The following AKAP6 variants were observed in gnomAD, a reference collection of about 807,000 sequenced individuals.
AKAP6 encodes the protein A-kinase anchor protein 6.
AKAP6 carries 58 observed loss-of-function variants against 188.5 expected under a neutral mutation model. That is an observed-to-expected ratio of 0.31 (90% CI 0.25 to 0.38). AKAP6 has a LOEUF of 0.38. AKAP6 is among the 10% of genes least tolerant of loss of function. The pLI, the probability that AKAP6 is intolerant of heterozygous loss-of-function variation, is 1.00. For missense variants in AKAP6, 2,710 were observed against 2,740.0 expected (o/e 0.99, Z 0.24); for synonymous variants, 989 against 998.6 (o/e 0.99, Z 0.18).
At chr14:32,421,526 TGG>T in intron 1 of AKAP6, among the ~76,000 whole-genome samples, 1 of 152,338 alleles carries the variant, frequency 6.6e-6, no homozygotes, top group South Asian at 2.1e-4. Context: ...TCTTATTTTA[TGG>T]ATATAATATC....
chr14:32,583,905 A>T (rs1885104546), intron 5 of AKAP6, among the ~76,000 whole-genome samples: 1 of 152,146 alleles, frequency 6.6e-6, no homozygotes. Flanking sequence ...TAGGAAAGGG[A>T]ACTCCCTGAC....
intron 1 of AKAP6, among the ~76,000 whole-genome samples, chr14:32,416,461 C>A (rs1334772361): frequency 6.6e-6 from 1 of 152,100 alleles, no homozygotes; most frequent in East Asian, 1.9e-4. Context: ...TGCAAATATT[C>A]TTTCCCATTC....
intron 12 of AKAP6, among the ~76,000 whole-genome samples, chr14:32,793,992 T>A (rs2033688327): frequency 6.6e-6 from 1 of 151,944 alleles, no homozygotes; most frequent in Non-Finnish European, 1.5e-5. Flanking sequence ...CAGCTCTGGA[T>A]CAAGTGGACC....
At position 32,707,438 on chromosome 14, in the gene AKAP6, G is replaced by A. The variant is rs904444133; in HGVS notation, c.3000+11328G>A. Among the ~76,000 whole-genome samples, 4 of 152,090 alleles carry A rather than the reference G, an allele frequency of 2.6e-5. No individual in the cohort carries two copies. In the South Asian group the frequency reaches 8.3e-4, roughly 32 times the overall value. On this transcript the variant is annotated intron_variant, in intron 9 of 13. Transcript: ENST00000280979. The stretch of plus-strand genomic sequence containing the variant: ...TGCCTCCCTGTGAAAGTTCTTCTTG[G>A]GGATTATTCAGCTGTGAATACTTGT...
chr14:32,478,087 G>C (rs1879161804), intron 2 of AKAP6, among the ~76,000 whole-genome samples: 1 of 152,210 alleles, frequency 6.6e-6, no homozygotes, highest in Non-Finnish European at 1.5e-5. Context: ...GACAGACATA[G>C]TGGGCATCAG....
chr14:32,803,575 AT>A (rs1170033491), intron 12 of AKAP6, among the ~76,000 whole-genome samples: 1 of 151,606 alleles, frequency 6.6e-6, no homozygotes, highest in African/African-American at 2.4e-5. Flanking sequence ...GACTACTCTT[AT>A]TTTTTTTCGG....
intron 2 of AKAP6, among the ~76,000 whole-genome samples, chr14:32,530,362 T>C (rs549048366): frequency 6.6e-6 from 1 of 152,006 alleles, no homozygotes; most frequent in Non-Finnish European, 1.5e-5. Flanking sequence ...TTCTTTTTTT[T>C]TGTGTGTGTG....
intron 7 of AKAP6, among the ~76,000 whole-genome samples, chr14:32,646,639 G>A (rs1364670223): frequency 6.6e-6 from 1 of 152,112 alleles, no homozygotes; most frequent in Non-Finnish European, 1.5e-5. Flanking sequence ...ATGCCTAGCA[G>A]GTGAGAGACA....
chr14:32,796,814 C>T (rs543482173), intron 12 of AKAP6, among the ~76,000 whole-genome samples: 13 of 152,196 alleles, frequency 8.5e-5, no homozygotes, highest in African/African-American at 2.6e-4. Context: ...CTAATTAAAC[C>T]AAGAGAGCTT....
chr14:32,459,910 G>C (rs1891267538), intron 2 of AKAP6, among the ~76,000 whole-genome samples: 1 of 152,022 alleles, frequency 6.6e-6, no homozygotes, highest in African/African-American at 2.4e-5. Context: ...ATCTCCTGGA[G>C]AATATATGTT....
intron 1 of AKAP6, among the ~76,000 whole-genome samples, chr14:32,363,555 A>G (rs1887732363): frequency 6.6e-6 from 1 of 152,216 alleles, no homozygotes; most frequent in Non-Finnish European, 1.5e-5. Context: ...CAAGAGTCCA[A>G]AAGCTGAAGA....
chr14:32,658,165 C>A (rs1888530965), intron 7 of AKAP6, among the ~76,000 whole-genome samples: 1 of 152,024 alleles, frequency 6.6e-6, no homozygotes, highest in Non-Finnish European at 1.5e-5. Flanking sequence ...ATAGATAATG[C>A]TACTCTATAT....
chr14:32,581,939 A>G (rs905684241), intron 5 of AKAP6, among the ~76,000 whole-genome samples: 22 of 151,926 alleles, frequency 1.4e-4, no homozygotes, highest in African/African-American at 4.8e-4. Flanking sequence ...GGGTCTTGAC[A>G]CTTTATCCAA....
chr14:32,680,463 T>G (rs1246922333), intron 8 of AKAP6, among the ~76,000 whole-genome samples: 1 of 152,208 alleles, frequency 6.6e-6, no homozygotes, highest in Non-Finnish European at 1.5e-5. Flanking sequence ...ACTTCATTAA[T>G]CATTCTTTTT....
chr14:32,810,466 A>G (rs191282369), intron 12 of AKAP6, among the ~76,000 whole-genome samples: 5 of 152,280 alleles, frequency 3.3e-5, no homozygotes, highest in African/African-American at 7.2e-5. Context: ...ATTGGATCTC[A>G]GGATCCTAAG....
At chr14:32,738,877 A>G (rs779555144) in intron 11 of AKAP6, among the ~76,000 whole-genome samples, 12 of 152,178 alleles carry the variant, frequency 7.9e-5, no homozygotes, top group Non-Finnish European at 1.6e-4. Context: ...CAATATCTAA[A>G]TGAATAAGTA....
intron 1 of AKAP6, among the ~76,000 whole-genome samples, chr14:32,340,695 A>C (rs778845138): frequency 9.9e-5 from 15 of 152,220 alleles, no homozygotes; most frequent in Non-Finnish European, 1.6e-4. Context: ...AATACCATAA[A>C]CTGGGTTGCT....
At chr14:32,447,764 T>A (rs1210200013) in intron 2 of AKAP6, among the ~76,000 whole-genome samples, 6 of 152,238 alleles carry the variant, frequency 3.9e-5, no homozygotes, top group Non-Finnish European at 8.8e-5. Flanking sequence ...CATCTTGGAC[T>A]AGTTGGCAAC....
chr14:32,389,639 T>A (rs1415562265), intron 1 of AKAP6, among the ~76,000 whole-genome samples: 1 of 152,154 alleles, frequency 6.6e-6, no homozygotes, highest in African/African-American at 2.4e-5. Flanking sequence ...TTTTGGCTGA[T>A]AATTGTTTTG....
Sources: gnomAD v4.1 joint callset for allele counts (sites outside exome capture counted in the v4.1 genomes callset) on GRCh38, gnomAD v4.1.1 for gene constraint, MANE v1.5 for transcripts, NCBI Gene and HGNC (gene_info 2026-07-23, HGNC 2026-07-21) for gene names.